The following VPS50 variants were observed in gnomAD, a reference collection of about 807,000 sequenced individuals.
The protein encoded by VPS50 is syndetin.
A neutral mutation model predicts 139.7 loss-of-function variants in VPS50; 70 were observed. That is an observed-to-expected ratio of 0.50 (90% CI 0.41 to 0.61). The LOEUF is 0.61. VPS50 is among the 20% of genes least tolerant of loss of function. The pLI is 0.00. For synonymous variants in VPS50, 365 were observed against 376.7 expected, an observed-to-expected ratio of 0.97 and a Z score of 0.36; for missense variants, 921 against 1,133.7, an observed-to-expected ratio of 0.81 and a Z score of 2.69.
chr7:93,285,285 A>C (rs1796450684), intron 12 of VPS50, among the ~76,000 whole-genome samples: 1 of 152,206 alleles, frequency 6.6e-6, no homozygotes. Flanking sequence ...ATGTGATTAG[A>C]GTGCTAAATC....
intron 12 of VPS50, among the ~76,000 whole-genome samples, chr7:93,280,714 A>G (rs111890872): frequency 0.011 from 1,687 of 152,172 alleles, 38 homozygotes; most frequent in African/African-American, 0.038. Context: ...TTATTTCAAG[A>G]TGCTAATTAG....
chr7:93,233,838 G>C (rs961026233), intron 1 of VPS50, among the ~76,000 whole-genome samples: 12 of 152,166 alleles, frequency 7.9e-5, no homozygotes, highest in African/African-American at 2.9e-4. Flanking sequence ...GTGCCTTATG[G>C]AGTTAGCCTG....
intron 2 of VPS50, among the ~76,000 whole-genome samples, chr7:93,249,665 A>G (rs1795261128): frequency 6.6e-6 from 1 of 152,170 alleles, no homozygotes; most frequent in Non-Finnish European, 1.5e-5. Context: ...TGCAGACTGC[A>G]GAATTCCTAG....
At chr7:93,329,464 C>CA (rs943492704) in intron 21 of VPS50, among the ~76,000 whole-genome samples, 10 of 151,558 alleles carry the variant, frequency 6.6e-5, no homozygotes, top group Non-Finnish European at 2.9e-5. Flanking sequence ...GATTATATCA[C>CA]ATGGTAAAAC....
intron 21 of VPS50, among the ~76,000 whole-genome samples, chr7:93,330,779 A>AAG (rs1372975907): frequency 2.0e-5 from 3 of 151,288 alleles, no homozygotes; most frequent in African/African-American, 7.3e-5. Flanking sequence ...AAAAAAAAAA[A>AAG]AAACCCAAAC....
chr7:93,334,425 A>C (rs1339309234), intron 22 of VPS50, among the ~76,000 whole-genome samples: 1 of 152,212 alleles, frequency 6.6e-6, no homozygotes, highest in Non-Finnish European at 1.5e-5. Flanking sequence ...AGTTCAAAGA[A>C]GAGAAAGGTT....
chr7:93,344,676 C>G (rs1367861840), intron 23 of VPS50, among the ~76,000 whole-genome samples: 1 of 151,782 alleles, frequency 6.6e-6, no homozygotes, highest in East Asian at 1.9e-4. Flanking sequence ...GATTAAGAAT[C>G]TCACTCAAAA....
intron 23 of VPS50, among the ~76,000 whole-genome samples, chr7:93,344,062 A>C (rs923984530): frequency 4.6e-5 from 7 of 152,156 alleles, no homozygotes; most frequent in Admixed American, 2.6e-4. Flanking sequence ...AAGACCCATC[A>C]GTGTGCTGTA....
At chr7:93,347,993 A>AG (rs1035934098) in intron 23 of VPS50, among the ~76,000 whole-genome samples, 8 of 151,726 alleles carry the variant, frequency 5.3e-5, no homozygotes, top group East Asian at 3.9e-4. Flanking sequence ...ATTAAAAAAA[A>AG]GAAAAAAAAA....
chr7:93,323,556 G>C, intron 20 of VPS50, 55 bp from the exon 21 acceptor site: 1 of 671,306 alleles, frequency 1.5e-6, no homozygotes, highest in Non-Finnish European at 2.2e-6. Context: ...TATAATTATA[G>C]ACTAACAGAT....
intron 23 of VPS50, among the ~76,000 whole-genome samples, chr7:93,342,188 C>T (rs1798232718): frequency 6.6e-6 from 1 of 152,194 alleles, no homozygotes; most frequent in Non-Finnish European, 1.5e-5. Flanking sequence ...TCAGGGAGTT[C>T]CCTTTCCTAG....
At chr7:93,282,421 T>C (rs1035577756) in intron 12 of VPS50, among the ~76,000 whole-genome samples, 5 of 152,166 alleles carry the variant, frequency 3.3e-5, no homozygotes, top group African/African-American at 1.2e-4. Context: ...TTTATTTCTT[T>C]AGGATAAATC....
At chr7:93,352,821 C>A (rs1466175179) in intron 25 of VPS50, among the ~76,000 whole-genome samples, 2 of 152,030 alleles carry the variant, frequency 1.3e-5, no homozygotes, top group African/African-American at 4.8e-5. Context: ...TTCAGTTTTT[C>A]TGTAGGTAAT....
chr7:93,276,802 T>TG (rs1796169006), intron 12 of VPS50, among the ~76,000 whole-genome samples: 1 of 152,210 alleles, frequency 6.6e-6, no homozygotes, highest in African/African-American at 2.4e-5. Flanking sequence ...AAGTAGGTCC[T>TG]GCTGAGGAGT....
chr7:93,263,039 G>GT (rs35092297), intron 9 of VPS50, among the ~76,000 whole-genome samples: 131 of 147,360 alleles, frequency 8.9e-4, no homozygotes, highest in East Asian at 2.2e-3. Flanking sequence ...CTTTTTTTTT[G>GT]TTTTTTTTTC....
chr7:93,303,686 G>T, intron 17 of VPS50, 136 bp downstream of exon 17: 2 of 438,048 alleles, frequency 4.6e-6, no homozygotes, highest in African/African-American at 2.0e-5. Context: ...TTCCTTCCTT[G>T]AAAGTCATTA....
intron 2 of VPS50, among the ~76,000 whole-genome samples, chr7:93,240,508 T>C (rs1486413501): frequency 6.6e-6 from 1 of 152,134 alleles, no homozygotes; most frequent in South Asian, 2.1e-4. Context: ...TTACAAATTT[T>C]ATATAGGTTA....
intron 17 of VPS50, among the ~76,000 whole-genome samples, chr7:93,304,456 G>A (rs1409921907): frequency 6.6e-6 from 1 of 151,488 alleles, no homozygotes; most frequent in Non-Finnish European, 1.5e-5. Context: ...ATTAATAAAT[G>A]CTTTAAAGAC....
At chr7:93,233,345 G>A (rs1413609868) in intron 1 of VPS50, among the ~76,000 whole-genome samples, 1 of 152,190 alleles carries the variant, frequency 6.6e-6, no homozygotes, top group Non-Finnish European at 1.5e-5. Flanking sequence ...ATGAAAGATA[G>A]TTAAGATTAG....
Sources: gnomAD v4.1 joint callset for allele counts (sites outside exome capture counted in the v4.1 genomes callset) on GRCh38, gnomAD v4.1.1 for gene constraint, MANE v1.5 for transcripts, NCBI Gene and HGNC (gene_info 2026-07-23, HGNC 2026-07-21) for gene names.